The following PGAP1 variants were observed in gnomAD, a reference collection of about 807,000 sequenced individuals.
PGAP1 encodes the protein GPI inositol-deacylase.
Under a neutral mutation model 127.0 loss-of-function variants are expected in PGAP1, and 76 were observed. The ratio of observed to expected loss-of-function variants is 0.60; its 90% CI spans 0.50 to 0.72. The LOEUF (loss-of-function observed/expected upper bound fraction) is 0.72, where lower values mean the gene tolerates loss of function less well. Ranked by LOEUF, PGAP1 falls within the 30% of genes least tolerant of loss-of-function variation. The probability of loss-of-function intolerance (pLI) is 0.00; values close to 1 mark genes in which losing one functional copy is unlikely to be tolerated. For missense variants in PGAP1, 982 were observed against 1,071.3 expected, an observed-to-expected ratio of 0.92 and a Z score of 1.16; for synonymous variants, 362 against 366.5, an observed-to-expected ratio of 0.99 and a Z score of 0.14.
intron 11 of PGAP1, 88 bp downstream of exon 11, chr2:196,885,746 A>C (rs1481506279): frequency 1.3e-5 from 11 of 846,492 alleles, no homozygotes; most frequent in Middle Eastern, 3.5e-4. Flanking sequence ...ATCAAAATGA[A>C]AATAACAATG....
intron 20 of PGAP1, among the ~76,000 whole-genome samples, chr2:196,863,854 C>T (rs902147930): frequency 5.9e-5 from 9 of 151,998 alleles, no homozygotes; most frequent in Non-Finnish European, 1.0e-4. Flanking sequence ...GCTGGGATTA[C>T]AGGCATGAGC....
In PGAP1 at chr2:196,902,892, A is replaced by T. The variant is rs1238099086; in HGVS notation, c.650-150T>A. 3 of 534,218 alleles carry T rather than the reference A, an allele frequency of 5.6e-6. No homozygotes were observed. In the African/African-American group the frequency reaches 5.8e-5, roughly 10 times the overall value. 33.1% of individuals were successfully genotyped at this position (534,218 alleles called of 1,614,324 possible). On this transcript the variant is annotated intron_variant, in intron 4 of 26. Transcript: ENST00000354764. ...GAGTTATTCACATTTCCCTATTTTC[A>T]GTAAAATCAGTATCTTTACACATAT...
intron 19 of PGAP1, among the ~76,000 whole-genome samples, chr2:196,869,732 T>A (rs1377795760): frequency 6.6e-6 from 1 of 152,234 alleles, no homozygotes; most frequent in Non-Finnish European, 1.5e-5. Context: ...AAAATTTCTA[T>A]ATATTAACTT....
intron 20 of PGAP1, among the ~76,000 whole-genome samples, chr2:196,851,982 G>A (rs1184175845): frequency 1.3e-5 from 2 of 152,062 alleles, no homozygotes; most frequent in Non-Finnish European, 1.5e-5. Context: ...AATATTTTAC[G>A]TGATCTGCAT....
intron 5 of PGAP1, among the ~76,000 whole-genome samples, chr2:196,900,707 C>T (rs1393861271): frequency 2.0e-5 from 3 of 152,196 alleles, no homozygotes; most frequent in East Asian, 1.9e-4. Context: ...AGGTGAACCA[C>T]GAGGTCAGGA....
intron 2 of PGAP1, 83 bp from the exon 3 acceptor site, chr2:196,916,676 A>C: frequency 1.5e-6 from 2 of 1,315,854 alleles, no homozygotes; most frequent in Non-Finnish European, 1.0e-6. Context: ...TTAGTAAATA[A>C]CCTTATCCTG....
At chr2:196,846,697 A>G (rs530300030) in intron 22 of PGAP1, among the ~76,000 whole-genome samples, 1 of 152,322 alleles carries the variant, frequency 6.6e-6, no homozygotes, top group East Asian at 1.9e-4. Context: ...TATAAAAGCA[A>G]TATTATGGGA....
rs769577378 is a variant in PGAP1, at chr2:196,872,448, C to T, written c.1721G>A (p.Arg574Gln). ...ATCAAACATACAACTTACCTCGTAC[C>T]GACAGTCTGATGACGTGTACATTTT... ...LFKMYTSSDC[R>Q]YEVTVKTSFS... Residue 574 changes from arginine to glutamine, a missense_variant, in exon 18 of 27, where the codon CGG becomes CAG. By Grantham distance (43) the Arg-to-Gln change is conservative (BLOSUM62 1). Transcript: ENST00000354764. 17 of 1,596,604 alleles carry T rather than the reference C, an allele frequency of 1.1e-5. No homozygotes were observed. The Admixed American group carries it at 2.0e-4, about 19-fold the overall frequency.
At chr2:196,849,957 T>A (rs1302269857) in intron 20 of PGAP1, among the ~76,000 whole-genome samples, 1 of 152,200 alleles carries the variant, frequency 6.6e-6, no homozygotes, top group Non-Finnish European at 1.5e-5. Flanking sequence ...TTTTCCTGAA[T>A]TCTGGGAGGC....
chr2:196,900,883 C>G (rs6719536), intron 5 of PGAP1, among the ~76,000 whole-genome samples: 5 of 151,830 alleles, frequency 3.3e-5, no homozygotes, highest in African/African-American at 4.8e-5. Context: ...GCGGAGATCG[C>G]GCCACTGCAC....
intron 4 of PGAP1, among the ~76,000 whole-genome samples, chr2:196,907,025 C>G (rs1459394431): frequency 7.3e-6 from 1 of 136,876 alleles, no homozygotes; most frequent in Non-Finnish European, 1.6e-5. Flanking sequence ...GGAAAACACT[C>G]TGCAGGATAT....
At chr2:196,842,578 T>C (rs1190078780) in intron 26 of PGAP1, 143 bp downstream of exon 26, 1 of 376,188 alleles carries the variant, frequency 2.7e-6, no homozygotes, top group African/African-American at 2.1e-5. Flanking sequence ...AAAACAAGTA[T>C]ACTTGCATAT....
At chr2:196,849,465 G>A (rs1700656473) in intron 20 of PGAP1, among the ~76,000 whole-genome samples, 1 of 150,510 alleles carries the variant, frequency 6.6e-6, no homozygotes, top group African/African-American at 2.4e-5. Context: ...TAGTAGAGAC[G>A]GGGTTTCACC....
At chr2:196,873,482 A>C in intron 16 of PGAP1, 46 bp downstream of exon 16, 1 of 1,448,366 alleles carries the variant, frequency 6.9e-7, no homozygotes, top group Non-Finnish European at 9.5e-7. Flanking sequence ...TTGAGTCTTC[A>C]AATGACAATA....
At chr2:196,875,427 C>G (rs1701532330) in intron 14 of PGAP1, among the ~76,000 whole-genome samples, 1 of 152,040 alleles carries the variant, frequency 6.6e-6, no homozygotes. Flanking sequence ...AATCTTGAAA[C>G]CTTCTTATAC....
chr2:196,847,610 G>T (rs748484542), intron 21 of PGAP1: 1 of 197,402 alleles, frequency 5.1e-6, no homozygotes, highest in South Asian at 1.3e-4. Flanking sequence ...TTTTAAAAGT[G>T]ATCAGAGAGG....
chr2:196,903,363 C>G lies in PGAP1; in HGVS notation c.650-621G>C, dbSNP rs140534936. On this transcript the variant is annotated intron_variant, in intron 4 of 26. Coordinates refer to ENST00000354764, the MANE Select transcript of PGAP1 (RefSeq NM_024989.4). Reference sequence around the variant, plus strand: ...AGATCACGAGGTCAGGAGTTTGAGACTAGCCTGGCCAATATGGTGAAAGCC... The same window carrying G: ...AGATCACGAGGTCAGGAGTTTGAGAGTAGCCTGGCCAATATGGTGAAAGCC... Among the ~76,000 whole-genome samples, 910 of 151,738 alleles carry G rather than the reference C, an allele frequency of 6.0e-3. 7 individuals carry two copies. The highest frequency in any genetic ancestry group is 0.021 in the African/African-American group (873 of 41,358).
In PGAP1 at chr2:196,880,121, AGATG is replaced by A; in HGVS notation, c.1301_1304del (p.Pro434LeufsTer19). ...GTACATAAACAACAAGATGAGACAA[AGATG>A]GATAGTCTTGAAGTCTTAATGTCAG... On this transcript the variant is annotated frameshift_variant, in exon 13 of 27. Coordinates refer to ENST00000354764, the MANE Select transcript of PGAP1 (RefSeq NM_024989.4). LOFTEE classifies it high-confidence loss of function. 6.3e-7 allele frequency: 1 copy of A among 1,595,496 alleles called. No individual in the cohort carries two copies. Among genetic ancestry groups the A allele is most frequent in the Non-Finnish European group, 8.5e-7 (1 of 1,170,426 alleles).
At chr2:196,904,774 T>G (rs1173881399) in intron 4 of PGAP1, among the ~76,000 whole-genome samples, 1 of 151,702 alleles carries the variant, frequency 6.6e-6, no homozygotes, top group Non-Finnish European at 1.5e-5. Flanking sequence ...TGGATCACAG[T>G]GCAGAAGTAA....
Sources: gnomAD v4.1 joint callset for allele counts (sites outside exome capture counted in the v4.1 genomes callset) on GRCh38, gnomAD v4.1.1 for gene constraint, MANE v1.5 for transcripts, NCBI Gene and HGNC (gene_info 2026-07-23, HGNC 2026-07-21) for gene names.